Variants in JMY observed in about 807,000 individuals in gnomAD.
The protein encoded by JMY is junction-mediating and -regulatory protein.
A neutral mutation model predicts 103.3 loss-of-function variants in JMY; 46 were observed. That is an observed-to-expected ratio of 0.45 (90% CI 0.35 to 0.57). The LOEUF (loss-of-function observed/expected upper bound fraction) is 0.57, where lower values mean the gene tolerates loss of function less well. JMY is among the 20% of genes least tolerant of loss of function. The pLI is 0.00. For synonymous variants in JMY, 526 were observed against 489.3 expected (o/e 1.07, Z -0.99); for missense variants, 1,238 against 1,255.2 (o/e 0.99, Z 0.21).
In JMY at chr5:79,325,498, G is replaced by T. The variant is rs148358933; in HGVS notation, c.*3896G>T. On this transcript the variant is annotated 3_prime_UTR_variant, in exon 11 of 11. Transcript: ENST00000396137. ...TGTAAATGATAACATAAAATTAAGTGTGCATTTTAAACAGATTCTATTTCC... is the reference window on the plus strand; with the variant it reads ...TGTAAATGATAACATAAAATTAAGTTTGCATTTTAAACAGATTCTATTTCC... 2.2e-4 allele frequency: 34 copies of T among 152,238 alleles called. No homozygotes were observed. In the East Asian group the frequency reaches 6.4e-3, roughly 29 times the overall value. The allele number at this position is 152,238 out of a possible 1,614,324, so 9.4% of individuals were successfully genotyped here. A position where few individuals can be genotyped will look rare whatever the true frequency, so the allele number is the denominator to read the frequency against.
chr5:79,262,424 A>G (rs538180605), intron 1 of JMY, among the ~76,000 whole-genome samples: 1 of 152,232 alleles, frequency 6.6e-6, no homozygotes, highest in African/African-American at 2.4e-5. Context: ...TTAGTTAGCA[A>G]AATCAAAAAT....
At chr5:79,269,751 G>C (rs1480377841) in intron 1 of JMY, among the ~76,000 whole-genome samples, 1 of 150,926 alleles carries the variant, frequency 6.6e-6, no homozygotes, top group Non-Finnish European at 1.5e-5. Context: ...TTTTTTTAGA[G>C]ACAGGGTATT....
In JMY at chr5:79,314,639, C is replaced by CCAAA; in HGVS notation, c.2447_2448insCAAA (p.Pro817LysfsTer15). ...CCTCCAACACCACCACCTCCCCCACCTCCTCCCCCTCCCCCACCACCACCA... is the reference window on the plus strand; with the variant it reads ...CCTCCAACACCACCACCTCCCCCACCCAAATCCTCCCCCTCCCCCACCACCACCA... On this transcript the variant is annotated frameshift_variant, in exon 9 of 11. Transcript: ENST00000396137. LOFTEE classifies it high-confidence loss of function. 6.7e-7 allele frequency: 1 copy of CCAAA among 1,495,282 alleles called. No individual in the cohort carries two copies. The highest frequency in any genetic ancestry group is 9.2e-7 in the Non-Finnish European group (1 of 1,089,112). 92.6% of individuals were successfully genotyped at this position (1,495,282 alleles called of 1,614,324 possible).
chr5:79,268,397 A>C (rs1323338934), intron 1 of JMY, among the ~76,000 whole-genome samples: 3 of 152,082 alleles, frequency 2.0e-5, no homozygotes, highest in African/African-American at 7.2e-5. Context: ...GATTTTCACT[A>C]TTTTAATAGG....
intron 4 of JMY, among the ~76,000 whole-genome samples, chr5:79,294,220 A>G (rs1280408485): frequency 1.3e-5 from 2 of 152,116 alleles, no homozygotes; most frequent in East Asian, 1.9e-4. Flanking sequence ...CCTGACCAAT[A>G]TGGCAAAACC....
intron 1 of JMY, among the ~76,000 whole-genome samples, chr5:79,266,347 A>G (rs979643193): frequency 6.6e-5 from 10 of 152,252 alleles, no homozygotes; most frequent in Admixed American, 3.9e-4. Context: ...GGATAAATCA[A>G]TGCTGGGCAC....
intron 1 of JMY, among the ~76,000 whole-genome samples, chr5:79,244,035 C>G (rs1580325073): frequency 1.3e-5 from 2 of 148,588 alleles, no homozygotes; most frequent in Non-Finnish European, 3.0e-5. Context: ...CAGGCTTGCT[C>G]TGTCACCCAG....
At chr5:79,299,528 A>G (rs1746668951) in intron 4 of JMY, among the ~76,000 whole-genome samples, 1 of 152,084 alleles carries the variant, frequency 6.6e-6, no homozygotes, top group African/African-American at 2.4e-5. Context: ...TTTATGAGCC[A>G]TGCCCAGAAA....
intron 2 of JMY, among the ~76,000 whole-genome samples, chr5:79,282,439 A>G (rs1746145536): frequency 6.6e-6 from 1 of 152,224 alleles, no homozygotes; most frequent in South Asian, 2.1e-4. Context: ...TAGGCAAGTT[A>G]TATCTCAATA....
intron 6 of JMY, among the ~76,000 whole-genome samples, chr5:79,302,156 GTAAA>G (rs1164086699): frequency 6.6e-6 from 1 of 150,838 alleles, no homozygotes; most frequent in Non-Finnish European, 1.5e-5. Flanking sequence ...AGAATGAAAA[GTAAA>G]TAAGATTTCA....
At chr5:79,270,183 T>C (rs1324521415) in intron 1 of JMY, among the ~76,000 whole-genome samples, 1 of 151,680 alleles carries the variant, frequency 6.6e-6, no homozygotes, top group Non-Finnish European at 1.5e-5. Flanking sequence ...TTCAGTACTA[T>C]GTTAAATAGG....
intron 1 of JMY, among the ~76,000 whole-genome samples, chr5:79,249,382 A>G (rs927415159): frequency 1.3e-5 from 2 of 152,222 alleles, no homozygotes; most frequent in Non-Finnish European, 2.9e-5. Context: ...AATGAATAAC[A>G]TTAGTTTACC....
chr5:79,239,337 C>A (rs1433111168), intron 1 of JMY, among the ~76,000 whole-genome samples: 1 of 152,112 alleles, frequency 6.6e-6, no homozygotes, highest in Non-Finnish European at 1.5e-5. Context: ...CTTAAGTGAC[C>A]ACATATATTC....
At chr5:79,308,900 G>GT (rs1050960913) in intron 7 of JMY, among the ~76,000 whole-genome samples, 2 of 151,870 alleles carry the variant, frequency 1.3e-5, no homozygotes, top group African/African-American at 4.8e-5. Context: ...TACACCTTTT[G>GT]TAAGATTTAT....
chr5:79,283,401 C>G (rs532336754), intron 2 of JMY, among the ~76,000 whole-genome samples: 43 of 152,086 alleles, frequency 2.8e-4, no homozygotes, highest in Non-Finnish European at 7.4e-5. Flanking sequence ...TTTCATTAAC[C>G]TAGGTATTAA....
At position 79,324,259 on chromosome 5, in the gene JMY, C is replaced by T. The variant is rs1310443897; in HGVS notation, c.*2657C>T. 6.6e-6 allele frequency: 1 copy of T among 152,074 alleles called. No homozygotes were observed. The highest frequency in any genetic ancestry group is 1.9e-4 in the East Asian group (1 of 5,194). The allele number at this position is 152,074 out of a possible 1,614,324, so 9.4% of individuals were successfully genotyped here. A position where few individuals can be genotyped will look rare whatever the true frequency, so the allele number is the denominator to read the frequency against. On this transcript the variant is annotated 3_prime_UTR_variant, in exon 11 of 11. Coordinates refer to ENST00000396137, the MANE Select transcript of JMY (RefSeq NM_152405.5). ...TTGCCTCTAATAAAATCAGGATCTT[C>T]GGCCTTGATACTAAATATGTGTATA...
intron 1 of JMY, among the ~76,000 whole-genome samples, chr5:79,249,063 T>G (rs1200822639): frequency 6.6e-6 from 1 of 152,004 alleles, no homozygotes; most frequent in Non-Finnish European, 1.5e-5. Flanking sequence ...GTGCCTGCCC[T>G]TTTTTTTCCC....
In JMY at chr5:79,314,519, T is replaced by TTAC; in HGVS notation, c.2328_2330dup (p.Thr777dup). The TTAC allele has an allele frequency of 6.2e-7, 1 of 1,613,672 alleles. No individual in the cohort carries two copies. The highest frequency in any genetic ancestry group is 8.5e-7 in the Non-Finnish European group (1 of 1,179,594). On this transcript the variant is annotated inframe_insertion, in exon 9 of 11. Coordinates refer to ENST00000396137, the MANE Select transcript of JMY (RefSeq NM_152405.5). ...GCCACCTCATTACCTCTCAGTGGTG[T>TTAC]TACCTCTGAACTGCCTCCCACTATA...
In JMY at chr5:79,326,122, G is replaced by GTTAT. The variant is rs1309740012; in HGVS notation, c.*4523_*4526dup. 1.3e-5 allele frequency: 2 copies of GTTAT among 152,162 alleles called. No homozygotes were observed. The highest frequency in any genetic ancestry group is 4.8e-5 in the African/African-American group (2 of 41,428). 9.4% of individuals were successfully genotyped at this position (152,162 alleles called of 1,614,324 possible). On this transcript the variant is annotated 3_prime_UTR_variant, in exon 11 of 11. Coordinates refer to ENST00000396137, the MANE Select transcript of JMY (RefSeq NM_152405.5). ...TTGACTTGTTAAATAACTGATGAAT[G>GTTAT]TTATTTCACACTGAATCTCAAAGCA...
Sources: gnomAD v4.1 joint callset for allele counts (sites outside exome capture counted in the v4.1 genomes callset) on GRCh38, gnomAD v4.1.1 for gene constraint, MANE v1.5 for transcripts, NCBI Gene and HGNC (gene_info 2026-07-23, HGNC 2026-07-21) for gene names.